ATP8B4: variants seen among roughly 807,000 people sequenced by gnomAD.
ATP8B4 encodes the protein ATPase phospholipid transporting 8B4 (putative).
Under a neutral mutation model 145.6 loss-of-function variants are expected in ATP8B4, and 133 were observed. That is an observed-to-expected ratio of 0.91 (90% CI 0.79 to 1.05). The LOEUF (loss-of-function observed/expected upper bound fraction) is 1.05, where lower values mean the gene tolerates loss of function less well. ATP8B4 is among the 50% of genes least tolerant of loss of function. ATP8B4 has a pLI of 0.00. For missense variants in ATP8B4, 1,458 were observed against 1,425.2 expected, an observed-to-expected ratio of 1.02 and a Z score of -0.37; for synonymous variants, 507 against 492.9, an observed-to-expected ratio of 1.03 and a Z score of -0.38.
chr15:50,060,127 T>A (rs749370539), intron 3 of ATP8B4, among the ~76,000 whole-genome samples: 3 of 152,132 alleles, frequency 2.0e-5, no homozygotes, highest in Non-Finnish European at 4.4e-5. Context: ...CCCCTGGGTT[T>A]CTAGGAAATT....
chr15:50,140,838 T>C (rs549333711), intron 1 of ATP8B4, among the ~76,000 whole-genome samples: 5 of 152,272 alleles, frequency 3.3e-5, no homozygotes, highest in African/African-American at 1.2e-4. Context: ...AATTCTGTAG[T>C]TCTGGGATGA....
In ATP8B4 at chr15:49,993,375, A is replaced by AGTGTGTGT. The variant is rs34145133; in HGVS notation, c.589+3294_589+3301dup. ...AGTTAGAAAACCATGTGCTGATAGT[A>AGTGTGTGT]GTGTGTGTGTGTGTGTCAGAGATAT... On this transcript the variant is annotated intron_variant, in intron 9 of 27. Coordinates refer to ENST00000284509, the MANE Select transcript of ATP8B4 (RefSeq NM_024837.4). Among the ~76,000 whole-genome samples, 374 of 151,280 alleles carry AGTGTGTGT rather than the reference A, an allele frequency of 2.5e-3. 3 individuals are homozygous for AGTGTGTGT. The highest frequency in any genetic ancestry group is 8.6e-3 in the African/African-American group (354 of 41,290).
intron 14 of ATP8B4, among the ~76,000 whole-genome samples, chr15:49,949,147 A>G (rs966033560): frequency 6.6e-6 from 1 of 152,148 alleles, no homozygotes; most frequent in Non-Finnish European, 1.5e-5. Context: ...TCTTGGCTAT[A>G]CAGGGTCTTC....
At position 50,069,098 on chromosome 15, in the gene ATP8B4, T is replaced by C. The variant is rs1214513893; in HGVS notation, c.87+5029A>G. On this transcript the variant is annotated intron_variant, in intron 3 of 27. Coordinates refer to ENST00000284509, the MANE Select transcript of ATP8B4 (RefSeq NM_024837.4). ...ATTCCTATTATTAACCAAGAAAACA[T>C]TGAACTCCCTTCTAATGAGAATAAT... Among the ~76,000 whole-genome samples, 2 of 152,184 alleles carry C rather than the reference T, an allele frequency of 1.3e-5. 1 individual carries two copies. Among genetic ancestry groups the C allele is most frequent in the Middle Eastern group, 6.3e-3 (2 of 316 alleles).
At chr15:50,125,680 G>C (rs963630612) in intron 1 of ATP8B4, among the ~76,000 whole-genome samples, 9 of 152,134 alleles carry the variant, frequency 5.9e-5, no homozygotes, top group Admixed American at 2.0e-4. Flanking sequence ...ACCCATCTGT[G>C]GGGGCAATTG....
chr15:49,987,040 T>C (rs1192762262), intron 10 of ATP8B4, among the ~76,000 whole-genome samples: 1 of 152,216 alleles, frequency 6.6e-6, no homozygotes, highest in Non-Finnish European at 1.5e-5. Context: ...CTTTCTTTCA[T>C]ACTCTTACCC....
chr15:50,130,603 C>T (rs557055813), intron 1 of ATP8B4, among the ~76,000 whole-genome samples: 2 of 151,846 alleles, frequency 1.3e-5, no homozygotes, highest in South Asian at 2.1e-4. Context: ...GGTGAAACCC[C>T]GTCTCTACTA....
chr15:49,999,356 G>A (rs1263597805), intron 8 of ATP8B4, among the ~76,000 whole-genome samples: 2 of 143,512 alleles, frequency 1.4e-5, no homozygotes, highest in Non-Finnish European at 3.0e-5. Context: ...GACACAGGAA[G>A]GGGAACATCA....
chr15:49,881,945 G>C (rs374018060), intron 23 of ATP8B4, among the ~76,000 whole-genome samples: 1 of 152,172 alleles, frequency 6.6e-6, no homozygotes, highest in Non-Finnish European at 1.5e-5. Context: ...AGGATAATGC[G>C]ATCCTTCTCC....
chr15:50,066,378 A>G (rs909662020), intron 3 of ATP8B4, among the ~76,000 whole-genome samples: 8 of 152,116 alleles, frequency 5.3e-5, no homozygotes, highest in African/African-American at 1.9e-4. Context: ...ACCCATAACA[A>G]ATGCAAGTTA....
chr15:50,162,783 G>A (rs959284940), intron 1 of ATP8B4, among the ~76,000 whole-genome samples: 2 of 152,166 alleles, frequency 1.3e-5, no homozygotes, highest in African/African-American at 2.4e-5. Context: ...TGGAATTACA[G>A]GCGTGAGCCA....
rs188539013 is a variant in ATP8B4 at position 50,149,221 on chromosome 15, G to A, written c.-43+33040C>T. Among the ~76,000 whole-genome samples the A allele has an allele frequency of 1.8e-4, 28 of 152,310 alleles. No homozygotes were observed. In the East Asian group the frequency reaches 4.8e-3, roughly 26 times the overall value. On this transcript the variant is annotated intron_variant, in intron 1 of 3. Coordinates refer to the ATP8B4 transcript ENST00000558829. The stretch of plus-strand genomic sequence containing the variant: ...CCATGATTGATTGGCTAGGTCTGCC[G>A]TAGTGCCCAGTATGTCCCTGTATAT...
At chr15:50,077,360 A>C (rs2054248207) in intron 2 of ATP8B4, among the ~76,000 whole-genome samples, 1 of 152,212 alleles carries the variant, frequency 6.6e-6, no homozygotes, top group African/African-American at 2.4e-5. Context: ...AAAACATAAC[A>C]GTGCTGGAAA....
chr15:50,172,223 C>G (rs533538519), intron 1 of ATP8B4, among the ~76,000 whole-genome samples: 5 of 152,362 alleles, frequency 3.3e-5, no homozygotes, highest in South Asian at 2.1e-4. Context: ...CCGCCATCTC[C>G]GCTCACTGCA....
rs567983258 is a variant in ATP8B4 at position 49,979,564 on chromosome 15, G to T, written c.1034+53C>A. 3.2e-4 allele frequency: 419 copies of T among 1,326,210 alleles called. 2 individuals are homozygous for T. In the African/African-American group the frequency reaches 5.4e-3, roughly 17 times the overall value. 82.2% of individuals were successfully genotyped at this position (1,326,210 alleles called of 1,614,324 possible). A position where few individuals can be genotyped will look rare whatever the true frequency, so the allele number is the denominator to read the frequency against. On this transcript the variant is annotated intron_variant, in intron 12 of 27. Transcript: ENST00000284509. ...TGAAACTTTAAAACAAATAATATTG[G>T]AAACAAAGGTTTTGATGAAATTATT...
At chr15:50,004,244 C>T (rs1474768025) in intron 7 of ATP8B4, among the ~76,000 whole-genome samples, 1 of 152,172 alleles carries the variant, frequency 6.6e-6, no homozygotes, top group African/African-American at 2.4e-5. Flanking sequence ...GAAGGGAAGG[C>T]CCAGCGGGGC....
chr15:50,139,319 A>G (rs1287869099), intron 1 of ATP8B4, among the ~76,000 whole-genome samples: 2 of 152,186 alleles, frequency 1.3e-5, no homozygotes, highest in Non-Finnish European at 2.9e-5. Context: ...CATCATTCTC[A>G]GCAAACTAAC....
intron 7 of ATP8B4, 41 bp from the exon 8 acceptor site, chr15:50,002,264 A>G (rs1466262819): frequency 1.3e-6 from 2 of 1,524,706 alleles, no homozygotes; most frequent in Non-Finnish European, 1.8e-6. Context: ...TTGAGAAGTT[A>G]GATTGGTTGA....
chr15:50,131,887 G>T (rs1449209527), intron 1 of ATP8B4, among the ~76,000 whole-genome samples: 3 of 151,548 alleles, frequency 2.0e-5, no homozygotes, highest in Admixed American at 6.6e-5. Context: ...CGCAGCTACT[G>T]CTCTTGCACC....
Sources: gnomAD v4.1 joint callset for allele counts (sites outside exome capture counted in the v4.1 genomes callset) on GRCh38, gnomAD v4.1.1 for gene constraint, MANE v1.5 for transcripts, NCBI Gene and HGNC (gene_info 2026-07-23, HGNC 2026-07-21) for gene names.